The following FGD4 variants were observed in gnomAD, a reference collection of about 807,000 sequenced individuals.
The protein encoded by FGD4 is FYVE, RhoGEF and PH domain-containing protein 4.
Under a neutral mutation model 102.0 loss-of-function variants are expected in FGD4, and 42 were observed. The observed-to-expected ratio is 0.41, with a 90% CI of 0.32 to 0.53. FGD4 has a LOEUF of 0.53. Among genes scored for constraint, FGD4 ranks in the 20% least tolerant of loss-of-function variants. The pLI, the probability that FGD4 is intolerant of heterozygous loss-of-function variation, is 0.21. For missense variants in FGD4, 902 were observed against 1,078.2 expected, an observed-to-expected ratio of 0.84 and a Z score of 2.29; for synonymous variants, 380 against 375.7, an observed-to-expected ratio of 1.01 and a Z score of -0.13.
intron 11 of FGD4, among the ~76,000 whole-genome samples, chr12:32,623,905 G>A (rs1321335229): frequency 6.6e-6 from 1 of 152,076 alleles, no homozygotes; most frequent in East Asian, 1.9e-4. Context: ...ATCTAAAATG[G>A]GGTTAGGTTT....
chr12:32,406,746 G>A (rs989333024), intron 1 of FGD4, among the ~76,000 whole-genome samples: 6 of 151,992 alleles, frequency 3.9e-5, no homozygotes, highest in Non-Finnish European at 7.4e-5. Context: ...AAAATCTCTA[G>A]CCACACCCTT....
chr12:32,600,400 G>C (rs1158762702), intron 5 of FGD4: 1 of 1,259,464 alleles, frequency 7.9e-7, no homozygotes, highest in Non-Finnish European at 1.0e-6. Flanking sequence ...TGTTCTTTTT[G>C]CCTCTCAAGA....
chr12:32,514,641 A>T (rs1002708293), intron 1 of FGD4, among the ~76,000 whole-genome samples: 26 of 151,918 alleles, frequency 1.7e-4, no homozygotes, highest in African/African-American at 5.6e-4. Context: ...CCTCCTGTGT[A>T]GCTGGGACTA....
chr12:32,628,373 GA>G (rs934286460), intron 14 of FGD4, among the ~76,000 whole-genome samples: 23 of 146,738 alleles, frequency 1.6e-4, no homozygotes, highest in East Asian at 1.0e-3. Context: ...GGTGAAGTGG[GA>G]AAAAAAAAAG....
At chr12:32,561,566 C>T (rs1307682182) in intron 1 of FGD4, among the ~76,000 whole-genome samples, 1 of 152,090 alleles carries the variant, frequency 6.6e-6, no homozygotes, top group Non-Finnish European at 1.5e-5. Context: ...AAATGAAACT[C>T]TTTGTTTCTT....
At chr12:32,610,874 C>A in intron 9 of FGD4, 40 bp downstream of exon 9, 1 of 1,579,746 alleles carries the variant, frequency 6.3e-7, no homozygotes, top group Non-Finnish European at 8.7e-7. Context: ...TCTGATTAGA[C>A]AATTATCAAT....
chr12:32,482,542 G>C (rs958076014), intron 1 of FGD4, among the ~76,000 whole-genome samples: 1 of 152,126 alleles, frequency 6.6e-6, no homozygotes, highest in African/African-American at 2.4e-5. Context: ...ATTGCTGAGC[G>C]GACTGTAGGA....
intron 1 of FGD4, among the ~76,000 whole-genome samples, chr12:32,476,812 T>C (rs1271923609): frequency 1.3e-5 from 2 of 152,190 alleles, no homozygotes; most frequent in Admixed American, 6.5e-5. Flanking sequence ...AAAGCAATCA[T>C]ATACCTAGCT....
intron 1 of FGD4, among the ~76,000 whole-genome samples, chr12:32,433,896 G>A (rs189934800): frequency 1.0e-3 from 153 of 151,116 alleles, no homozygotes; most frequent in African/African-American, 2.7e-3. Context: ...TTGCTCTGTC[G>A]CCAGGCTGGA....
At chr12:32,619,357 G>A (rs948040276) in intron 10 of FGD4, among the ~76,000 whole-genome samples, 3 of 152,034 alleles carry the variant, frequency 2.0e-5, no homozygotes, top group South Asian at 2.1e-4. Context: ...AGCCGGGTGC[G>A]GTGGCTCACA....
intron 1 of FGD4, among the ~76,000 whole-genome samples, chr12:32,419,564 T>TG (rs1406739181): frequency 6.6e-6 from 1 of 152,178 alleles, no homozygotes; most frequent in Non-Finnish European, 1.5e-5. Flanking sequence ...TTAGTCACCC[T>TG]GGCTGGTGTC....
rs759269111 is a variant in FGD4 at position 32,601,335 on chromosome 12, G to A, written c.1159G>A (p.Val387Met). 6.2e-7 allele frequency: 1 copy of A among 1,614,124 alleles called. No homozygotes were observed. The highest frequency in any genetic ancestry group is 8.5e-7 in the Non-Finnish European group (1 of 1,180,006). Reference sequence around the variant, plus strand: ...CCGAGGCTCGTTTCCAGCAGAGATGGTGAATAAAATCTTTTCTAATATTTC... The same window carrying A: ...CCGAGGCTCGTTTCCAGCAGAGATGATGAATAAAATCTTTTCTAATATTTC... The part of the protein sequence containing the change: ...ANRGSFPAEM[V>M]NKIFSNISSI... The change falls in exon 6 of 17, where the codon GTG (valine) becomes ATG (methionine). Residue 387 changes from valine to methionine, a missense_variant. Coordinates refer to ENST00000534526, the MANE Select transcript of FGD4 (RefSeq NM_001370298.3).
rs112000144 is a variant in FGD4, at chr12:32,614,024, C to T, written c.1749+2741C>T. On this transcript the variant is annotated intron_variant, in intron 10 of 16. Transcript: ENST00000534526. ...GAAGATGAAACCTGCAGCAGCAGAC[C>T]ATCCACATCCTTTTGCTAGGAAAAA... 2.4e-3 allele frequency among the ~76,000 whole-genome samples: 359 copies of T among 152,188 alleles called. 2 individuals carry two copies. The highest frequency in any genetic ancestry group is 8.1e-3 in the African/African-American group (336 of 41,522).
At chr12:32,618,467 G>C (rs555555729) in intron 10 of FGD4, among the ~76,000 whole-genome samples, 1 of 151,392 alleles carries the variant, frequency 6.6e-6, no homozygotes, top group African/African-American at 2.4e-5. Context: ...TTTTTTTCAC[G>C]TGTTCTAATG....
At chr12:32,527,768 A>C (rs1381988572) in intron 1 of FGD4, among the ~76,000 whole-genome samples, 1 of 151,978 alleles carries the variant, frequency 6.6e-6, no homozygotes, top group Non-Finnish European at 1.5e-5. Context: ...CCACGGTGAG[A>C]GGAAATGCTG....
At chr12:32,516,021 A>C (rs1343645733) in intron 1 of FGD4, among the ~76,000 whole-genome samples, 1 of 152,242 alleles carries the variant, frequency 6.6e-6, no homozygotes, top group Non-Finnish European at 1.5e-5. Context: ...ACAAACTGTT[A>C]ATCCCAAATT....
chr12:32,458,639 G>A (rs576699892), intron 1 of FGD4, among the ~76,000 whole-genome samples: 8 of 152,176 alleles, frequency 5.3e-5, no homozygotes, highest in African/African-American at 1.7e-4. Flanking sequence ...GTGCTCCATC[G>A]CCCATAACAA....
chr12:32,543,234 C>T (rs768656666), intron 1 of FGD4, among the ~76,000 whole-genome samples: 1 of 152,160 alleles, frequency 6.6e-6, no homozygotes. Flanking sequence ...GAGATTAATA[C>T]ATAAGGTGAG....
At chr12:32,446,747 C>G (rs1942626887) in intron 1 of FGD4, among the ~76,000 whole-genome samples, 1 of 152,162 alleles carries the variant, frequency 6.6e-6, no homozygotes, top group Non-Finnish European at 1.5e-5. Flanking sequence ...TGAGGAGAAA[C>G]AGGACACAAT....
Sources: gnomAD v4.1 joint callset for allele counts (sites outside exome capture counted in the v4.1 genomes callset) on GRCh38, gnomAD v4.1.1 for gene constraint, MANE v1.5 for transcripts, NCBI Gene and HGNC (gene_info 2026-07-23, HGNC 2026-07-21) for gene names.